Variants in OTOGL observed in about 807,000 individuals in gnomAD.
OTOGL encodes otogelin-like protein.
OTOGL carries 285 observed loss-of-function variants against 318.5 expected under a neutral mutation model. The observed-to-expected ratio is 0.89, with a 90% confidence interval of 0.81 to 0.99. The LOEUF (loss-of-function observed/expected upper bound fraction) is 0.99. OTOGL is among the 50% of genes least tolerant of loss of function. OTOGL has a pLI of 0.00. For missense variants in OTOGL, 2,899 were observed against 2,845.6 expected (o/e 1.02, Z -0.43); for synonymous variants, 987 against 936.5 (o/e 1.05, Z -0.99).
chr12:80,368,521 T>C (rs2138084125), intron 55 of OTOGL, among the ~76,000 whole-genome samples: 1 of 152,194 alleles, frequency 6.6e-6, no homozygotes, highest in Non-Finnish European at 1.5e-5. Flanking sequence ...GACTCAAACT[T>C]ATTTTATCAT....
intron 1 of OTOGL, among the ~76,000 whole-genome samples, chr12:80,171,995 G>A (rs1874233120): frequency 6.6e-6 from 1 of 152,008 alleles, no homozygotes; most frequent in Non-Finnish European, 1.5e-5. Flanking sequence ...GACATATAAT[G>A]CTATAAGTTT....
At chr12:80,228,999 G>C (rs1204058999) in intron 7 of OTOGL, among the ~76,000 whole-genome samples, 1 of 152,138 alleles carries the variant, frequency 6.6e-6, no homozygotes, top group East Asian at 1.9e-4. Flanking sequence ...CATGTACCTT[G>C]AGAATATTAA....
intron 24 of OTOGL, among the ~76,000 whole-genome samples, chr12:80,273,735 A>C (rs1263620586): frequency 6.6e-6 from 1 of 151,854 alleles, no homozygotes; most frequent in African/African-American, 2.4e-5. Context: ...ATTTTTTACA[A>C]ATTGAAGGTG....
At chr12:80,149,809 C>T (rs1018430279) in intron 1 of OTOGL, among the ~76,000 whole-genome samples, 84 of 152,204 alleles carry the variant, frequency 5.5e-4, no homozygotes, top group African/African-American at 1.9e-3. Context: ...GCGCAGTATT[C>T]GGGTGGGAGT....
At chr12:80,272,113 A>G (rs1409071479) in intron 24 of OTOGL, among the ~76,000 whole-genome samples, 1 of 152,136 alleles carries the variant, frequency 6.6e-6, no homozygotes, top group Non-Finnish European at 1.5e-5. Context: ...AACACTCTTC[A>G]AGTGCATTTT....
At chr12:80,189,042 T>C (rs1035416279) in intron 1 of OTOGL, among the ~76,000 whole-genome samples, 2 of 152,202 alleles carry the variant, frequency 1.3e-5, no homozygotes, top group East Asian at 3.8e-4. Context: ...TCTAATTTAA[T>C]GTCTTTGTGT....
At chr12:80,133,142 G>A (rs1170851671) in intron 1 of OTOGL, among the ~76,000 whole-genome samples, 2 of 151,756 alleles carry the variant, frequency 1.3e-5, no homozygotes, top group African/African-American at 2.4e-5. Context: ...CAATCTGAAT[G>A]TTTATCACTA....
intron 35 of OTOGL, among the ~76,000 whole-genome samples, chr12:80,327,958 C>CAAAAAAA (rs397687373): frequency 3.2e-5 from 1 of 30,924 alleles, no homozygotes; most frequent in Non-Finnish European, 4.8e-5. Context: ...GACTCTGTCT[C>CAAAAAAA]AAAAAAAAAA....
chr12:80,367,777 T>A (rs764673476), intron 54 of OTOGL, 38 bp downstream of exon 54: 1 of 1,285,764 alleles, frequency 7.8e-7, no homozygotes, highest in Non-Finnish European at 1.0e-6. Context: ...TGAGAGTTAA[T>A]GCATTCAAAA....
At chr12:80,286,528 T>C (rs1458560583) in intron 26 of OTOGL, among the ~76,000 whole-genome samples, 1 of 151,164 alleles carries the variant, frequency 6.6e-6, no homozygotes. Flanking sequence ...TGGTAGGCTA[T>C]TAATTACTGC....
chr12:80,163,417 A>G (rs17041700), intron 1 of OTOGL, among the ~76,000 whole-genome samples: 4,768 of 152,224 alleles, frequency 0.031, 240 homozygotes, highest in African/African-American at 0.11. Context: ...TGTAGGAGAA[A>G]TTCAGTCTCC....
At chr12:80,345,974 G>T (rs1889172899) in intron 44 of OTOGL, among the ~76,000 whole-genome samples, 1 of 152,114 alleles carries the variant, frequency 6.6e-6, no homozygotes. Context: ...TACCCACATA[G>T]TTCTTGGATA....
At chr12:80,183,111 C>G (rs775230643) in intron 1 of OTOGL, among the ~76,000 whole-genome samples, 9 of 151,958 alleles carry the variant, frequency 5.9e-5, no homozygotes, top group Non-Finnish European at 1.0e-4. Flanking sequence ...ACAATTGGTG[C>G]CTTCATCAAC....
In OTOGL at chr12:80,356,810, GT is replaced by G; in HGVS notation, c.5916del (p.Cys1972TrpfsTer4). The G allele has an allele frequency of 6.3e-7, 1 of 1,588,016 alleles. No homozygotes were observed. The highest frequency in any genetic ancestry group is 1.4e-5 in the African/African-American group (1 of 73,906). ...LSCCPQYKCE[C>X]DPLKCPSIST... ...TAATGTAATTTTGTTTCTGCAGAAT[GT>G]GACCCATTGAAATGCCCCAGTATTT... On this transcript the variant is annotated frameshift_variant, in exon 49 of 59. Coordinates refer to ENST00000547103, the MANE Select transcript of OTOGL (RefSeq NM_001378609.3). LOFTEE classifies it high-confidence loss of function.
Position 80,376,222 on chromosome 12 carries a change from C to T in OTOGL, c.6782-901C>T, listed in dbSNP as rs187144310. Among the ~76,000 whole-genome samples, 75 of 152,150 alleles carry T rather than the reference C, an allele frequency of 4.9e-4. 3 individuals are homozygous for T. The East Asian group carries it at 0.011, about 23-fold the overall frequency. On this transcript the variant is annotated intron_variant, in intron 57 of 58. Coordinates refer to ENST00000547103, the MANE Select transcript of OTOGL (RefSeq NM_001378609.3). Reference sequence around the variant, plus strand: ...CAGTCAATCTTAGCTACCCATCTCTCCTTCAAGCAGAGTAGCTTAATCTTT... The same window carrying T: ...CAGTCAATCTTAGCTACCCATCTCTTCTTCAAGCAGAGTAGCTTAATCTTT...
chr12:80,199,355 A>G (rs1013466465), intron 1 of OTOGL, among the ~76,000 whole-genome samples: 1 of 152,246 alleles, frequency 6.6e-6, no homozygotes, highest in Non-Finnish European at 1.5e-5. Context: ...AAGACCTTCT[A>G]GATCCTCCCC....
chr12:80,340,333 G>T (rs2137934152), intron 43 of OTOGL, among the ~76,000 whole-genome samples: 1 of 152,124 alleles, frequency 6.6e-6, no homozygotes, highest in Non-Finnish European at 1.5e-5. Context: ...CTTGTTTAGA[G>T]TATGCTAAAC....
At chr12:80,162,037 G>T (rs1018772539) in intron 1 of OTOGL, among the ~76,000 whole-genome samples, 7 of 152,080 alleles carry the variant, frequency 4.6e-5, no homozygotes, top group Admixed American at 1.3e-4. Flanking sequence ...CACTTCCCCA[G>T]CACATATGCC....
At chr12:80,162,945 G>A (rs1032511149) in intron 1 of OTOGL, among the ~76,000 whole-genome samples, 1 of 151,976 alleles carries the variant, frequency 6.6e-6, no homozygotes, top group African/African-American at 2.4e-5. Flanking sequence ...GACACAGACA[G>A]TTCTTTCAAG....
Sources: gnomAD v4.1 joint callset for allele counts (sites outside exome capture counted in the v4.1 genomes callset) on GRCh38, gnomAD v4.1.1 for gene constraint, MANE v1.5 for transcripts, NCBI Gene and HGNC (gene_info 2026-07-23, HGNC 2026-07-21) for gene names.